The following ACVR1 variants were observed in gnomAD, a reference collection of about 807,000 sequenced individuals.
ACVR1 encodes activin receptor type-1.
A neutral mutation model predicts 57.1 loss-of-function variants in ACVR1; 38 were observed. The ratio of observed to expected loss-of-function variants is 0.67; its 90% CI spans 0.51 to 0.87. ACVR1 has a LOEUF of 0.87. ACVR1 is among the 40% of genes least tolerant of loss of function. ACVR1 has a pLI of 0.00. For synonymous variants in ACVR1, 212 were observed against 228.1 expected, an observed-to-expected ratio of 0.93 and a Z score of 0.63; for missense variants, 463 against 638.2, an observed-to-expected ratio of 0.73 and a Z score of 2.96.
Position 157,776,038 on chromosome 2 carries a change from A to G in ACVR1, c.544-1851T>C, listed in dbSNP as rs148494292. Among the ~76,000 whole-genome samples, 24 of 152,318 alleles carry G rather than the reference A, an allele frequency of 1.6e-4. No homozygotes were observed. The East Asian group carries it at 4.2e-3, about 27-fold the overall frequency. On this transcript the variant is annotated intron_variant, in intron 5 of 10. Transcript: ENST00000434821. ...ATGCATGGCCAAGGCTTGTTTTTCA[A>G]TGTAGACGTGCTGTTTAGTAAGGGC...
chr2:157,765,869 C>G, intron 8 of ACVR1, 52 bp downstream of exon 8: 1 of 1,589,508 alleles, frequency 6.3e-7, no homozygotes, highest in East Asian at 2.2e-5. Context: ...CTCACCTAAC[C>G]ATTGAAACAA....
At chr2:157,757,182 T>C (rs114463781) in intron 9 of ACVR1, among the ~76,000 whole-genome samples, 1,600 of 151,292 alleles carry the variant, frequency 0.011, 22 homozygotes, top group African/African-American at 0.036. Context: ...TCTTTTGAAA[T>C]AGCCAGTCAA....
intron 1 of ACVR1, among the ~76,000 whole-genome samples, chr2:157,830,733 CA>C (rs10711957): frequency 0.74 from 101,705 of 136,772 alleles, 37,118 homozygotes; most frequent in South Asian, 0.8. Flanking sequence ...TTTGTTTCAC[CA>C]AAAAAAAAAA....
chr2:157,755,767 T>C (rs1006157968), intron 9 of ACVR1, among the ~76,000 whole-genome samples: 3 of 151,782 alleles, frequency 2.0e-5, no homozygotes, highest in African/African-American at 7.3e-5. Context: ...TCAATGAAAT[T>C]CCCATAAAAA....
chr2:157,744,282 G>A (rs1234235452), intron 9 of ACVR1, among the ~76,000 whole-genome samples: 1 of 152,128 alleles, frequency 6.6e-6, no homozygotes, highest in African/African-American at 2.4e-5. Flanking sequence ...AGAGGACAGA[G>A]CATTAGAAGT....
chr2:157,737,382 A>G lies in ACVR1; in HGVS notation c.*149T>C. ...GGTGGTTTTGATGTCTCCCCAACACATGGCTGGGTACGACGTCTGCCTTGT... is the reference window on the plus strand; with the variant it reads ...GGTGGTTTTGATGTCTCCCCAACACGTGGCTGGGTACGACGTCTGCCTTGT... On this transcript the variant is annotated 3_prime_UTR_variant, in exon 11 of 11. Coordinates refer to ENST00000434821, the MANE Select transcript of ACVR1 (RefSeq NM_001111067.4). 1.9e-6 allele frequency: 2 copies of G among 1,049,256 alleles called. No individual in the cohort carries two copies. Among genetic ancestry groups the G allele is most frequent in the Non-Finnish European group, 2.8e-6 (2 of 703,958 alleles). 65.0% of individuals were successfully genotyped at this position (1,049,256 alleles called of 1,614,324 possible).
intron 3 of ACVR1, among the ~76,000 whole-genome samples, chr2:157,787,508 C>A (rs1686755405): frequency 6.6e-6 from 1 of 152,142 alleles, no homozygotes; most frequent in Non-Finnish European, 1.5e-5. Context: ...GGGAGAGTAA[C>A]AGAGAGTAGA....
intron 2 of ACVR1, among the ~76,000 whole-genome samples, chr2:157,802,657 T>C (rs1461363440): frequency 6.6e-6 from 1 of 152,314 alleles, no homozygotes; most frequent in African/African-American, 2.4e-5. Flanking sequence ...ATGGCTTCTC[T>C]AAAGGCTACC....
intron 9 of ACVR1, among the ~76,000 whole-genome samples, chr2:157,748,412 GA>G (rs1235779696): frequency 3.3e-5 from 5 of 152,134 alleles, no homozygotes; most frequent in African/African-American, 9.7e-5. Context: ...AAACTAATCA[GA>G]ATTAAAATTT....
chr2:157,846,749 G>A (rs1689138375), intron 1 of ACVR1, among the ~76,000 whole-genome samples: 1 of 152,114 alleles, frequency 6.6e-6, no homozygotes, highest in Non-Finnish European at 1.5e-5. Context: ...TTATTGAGCT[G>A]TATACTTTAG....
chr2:157,822,524 T>C (rs567639747), intron 1 of ACVR1, among the ~76,000 whole-genome samples: 2 of 152,330 alleles, frequency 1.3e-5, no homozygotes, highest in East Asian at 3.9e-4. Flanking sequence ...CTTAAAATAC[T>C]TGCATTCTTT....
intron 1 of ACVR1, among the ~76,000 whole-genome samples, chr2:157,866,023 C>T (rs917503637): frequency 2.0e-5 from 3 of 152,054 alleles, no homozygotes; most frequent in African/African-American, 7.2e-5. Context: ...ATTGTGCACA[C>T]ATATTCCTGT....
intron 1 of ACVR1, among the ~76,000 whole-genome samples, chr2:157,823,312 T>A (rs745679315): frequency 6.6e-6 from 1 of 152,186 alleles, no homozygotes; most frequent in Non-Finnish European, 1.5e-5. Context: ...CATAAGTGAT[T>A]TTTCTAGGGA....
chr2:157,797,294 A>AT (rs1486582433), intron 3 of ACVR1, among the ~76,000 whole-genome samples: 3 of 152,278 alleles, frequency 2.0e-5, no homozygotes, highest in African/African-American at 7.2e-5. Flanking sequence ...CTAAGTACTG[A>AT]TTTTTTCACA....
chr2:157,874,968 T>A (rs779499665), intron 1 of ACVR1: 1 of 132,444 alleles, frequency 7.6e-6, no homozygotes, highest in Admixed American at 9.0e-5. Flanking sequence ...TTTTCTCCCA[T>A]GCAAGCAGCG....
chr2:157,737,139 G>T lies in ACVR1; in HGVS notation c.*392C>A. On this transcript the variant is annotated 3_prime_UTR_variant, in exon 11 of 11. Coordinates refer to ENST00000434821, the MANE Select transcript of ACVR1 (RefSeq NM_001111067.4). ...AAAGAAGAGAAGCACAGGCAATATT[G>T]CTGATTAAAAATTCACCACCTCCTT... 2.9e-6 allele frequency: 1 copy of T among 343,660 alleles called. No homozygotes were observed. Among genetic ancestry groups the T allele is most frequent in the Non-Finnish European group, 5.4e-6 (1 of 183,980 alleles). The allele number at this position is 343,660 out of a possible 1,614,324, so 21.3% of individuals were successfully genotyped here. A position where few individuals can be genotyped will look rare whatever the true frequency, so the allele number is the denominator to read the frequency against.
intron 8 of ACVR1, among the ~76,000 whole-genome samples, 173 bp from the exon 9 acceptor site, chr2:157,761,250 A>G (rs1313236506): frequency 3.9e-5 from 6 of 152,188 alleles, no homozygotes; most frequent in East Asian, 1.9e-4. Context: ...CCGGGGTGAG[A>G]GCAGAAAAGG....
At chr2:157,757,762 A>G (rs1055519552) in intron 9 of ACVR1, among the ~76,000 whole-genome samples, 3 of 151,952 alleles carry the variant, frequency 2.0e-5, no homozygotes, top group Admixed American at 2.0e-4. Flanking sequence ...AGGAAATGCT[A>G]TATCTGGGTG....
intron 3 of ACVR1, among the ~76,000 whole-genome samples, chr2:157,783,293 G>A (rs1686595463): frequency 6.6e-6 from 1 of 152,206 alleles, no homozygotes; most frequent in African/African-American, 2.4e-5. Context: ...AAGGGGCACT[G>A]CTTTTCCAAG....
Sources: gnomAD v4.1 joint callset for allele counts (sites outside exome capture counted in the v4.1 genomes callset) on GRCh38, gnomAD v4.1.1 for gene constraint, MANE v1.5 for transcripts, NCBI Gene and HGNC (gene_info 2026-07-23, HGNC 2026-07-21) for gene names.